MCTP1: variants seen among roughly 807,000 people sequenced by gnomAD.
MCTP1 encodes multiple C2 and transmembrane domain-containing protein 1.
In MCTP1, 69 loss-of-function variants were observed where a neutral mutation model predicts 120.6. That is an observed-to-expected ratio of 0.57 (90% CI 0.47 to 0.70). The LOEUF is 0.70. MCTP1 is among the 30% of genes least tolerant of loss of function. MCTP1 has a pLI of 0.00. For synonymous variants in MCTP1, 529 were observed against 493.1 expected (o/e 1.07, Z -0.96); for missense variants, 1,203 against 1,248.8 (o/e 0.96, Z 0.55).
chr5:94,724,412 AT>A (rs34497014), intron 19 of MCTP1, among the ~76,000 whole-genome samples: 7,840 of 138,396 alleles, frequency 0.057, 246 homozygotes, highest in African/African-American at 0.071. Flanking sequence ...CGTCTGGCTA[AT>A]TTTTTTTTTT....
chr5:94,849,114 G>A (rs931944044), intron 17 of MCTP1, among the ~76,000 whole-genome samples: 5 of 151,948 alleles, frequency 3.3e-5, no homozygotes, highest in African/African-American at 1.2e-4. Flanking sequence ...GGTAGCAAAC[G>A]AATATATGCA....
chr5:94,855,086 T>A (rs1471706896), intron 17 of MCTP1, among the ~76,000 whole-genome samples: 1 of 151,830 alleles, frequency 6.6e-6, no homozygotes, highest in Non-Finnish European at 1.5e-5. Context: ...ATACTAAGGA[T>A]GTAACCAAAA....
chr5:94,802,778 T>A (rs1781483495), intron 17 of MCTP1, among the ~76,000 whole-genome samples: 1 of 152,228 alleles, frequency 6.6e-6, no homozygotes, highest in South Asian at 2.1e-4. Flanking sequence ...CTCTAATGTA[T>A]TCACAGAATA....
intron 17 of MCTP1, among the ~76,000 whole-genome samples, chr5:94,804,885 T>G (rs1781976688): frequency 6.6e-6 from 1 of 152,110 alleles, no homozygotes; most frequent in African/African-American, 2.4e-5. Flanking sequence ...AATGGAGAAG[T>G]TTTTGGTGGG....
intron 17 of MCTP1, among the ~76,000 whole-genome samples, chr5:94,842,172 T>C (rs1791206087): frequency 6.6e-6 from 1 of 152,214 alleles, no homozygotes; most frequent in Non-Finnish European, 1.5e-5. Context: ...AAGGTTTTTG[T>C]GTAAATGTGA....
intron 4 of MCTP1, 139 bp downstream of exon 4, chr5:94,942,209 T>C (rs1817890093): frequency 1.7e-6 from 1 of 584,088 alleles, no homozygotes; most frequent in Non-Finnish European, 3.0e-6. Context: ...GTGAGGAAGA[T>C]GGATTTGAGA....
At chr5:95,225,488 A>T (rs1180465878) in intron 1 of MCTP1, among the ~76,000 whole-genome samples, 1 of 152,246 alleles carries the variant, frequency 6.6e-6, no homozygotes. Context: ...GCTAACAAAT[A>T]TGCATACCCT....
intron 2 of MCTP1, among the ~76,000 whole-genome samples, chr5:94,966,804 A>AG (rs1825725347): frequency 6.6e-6 from 1 of 151,940 alleles, no homozygotes; most frequent in Admixed American, 6.5e-5. Context: ...CGAAAAAAAA[A>AG]AAACAACAAA....
intron 2 of MCTP1, among the ~76,000 whole-genome samples, chr5:95,000,958 G>C (rs893441049): frequency 3.3e-5 from 5 of 152,166 alleles, no homozygotes; most frequent in Non-Finnish European, 5.9e-5. Context: ...ACTTTCAACT[G>C]TAATCCCATA....
intron 2 of MCTP1, among the ~76,000 whole-genome samples, chr5:94,969,346 C>T (rs1000289439): frequency 5.3e-5 from 8 of 152,076 alleles, no homozygotes; most frequent in African/African-American, 1.9e-4. Context: ...AGATGGCAGC[C>T]TATCTTCCCT....
intron 1 of MCTP1, among the ~76,000 whole-genome samples, chr5:95,119,436 T>A (rs1758045927): frequency 6.6e-6 from 1 of 151,972 alleles, no homozygotes; most frequent in African/African-American, 2.4e-5. Flanking sequence ...TAATAAAAAC[T>A]TTAAATAGGC....
chr5:95,116,248 A>C (rs1174753651), intron 1 of MCTP1, among the ~76,000 whole-genome samples: 1 of 152,214 alleles, frequency 6.6e-6, no homozygotes, highest in Non-Finnish European at 1.5e-5. Context: ...AAGTGCACCG[A>C]AAAACACAGA....
At chr5:95,004,196 A>C (rs1031449933) in intron 2 of MCTP1, among the ~76,000 whole-genome samples, 6 of 152,192 alleles carry the variant, frequency 3.9e-5, no homozygotes, top group Admixed American at 1.3e-4. Flanking sequence ...TGGCTGAAGA[A>C]ATTTTTAAGT....
intron 4 of MCTP1, among the ~76,000 whole-genome samples, chr5:94,940,400 C>T (rs1817297593): frequency 1.2e-5 from 1 of 86,314 alleles, no homozygotes; most frequent in Admixed American, 1.1e-4. Flanking sequence ...TGAATTTCTG[C>T]TTTCTAAACC....
intron 19 of MCTP1, among the ~76,000 whole-genome samples, chr5:94,770,841 G>A (rs138685711): frequency 1.4e-4 from 22 of 152,200 alleles, no homozygotes; most frequent in East Asian, 1.9e-4. Flanking sequence ...ATATGAATTC[G>A]ACAAGGATTT....
At chr5:94,944,781 T>G (rs1818536733) in intron 3 of MCTP1, among the ~76,000 whole-genome samples, 2 of 151,964 alleles carry the variant, frequency 1.3e-5, no homozygotes, top group African/African-American at 4.8e-5. Context: ...AATGAAATTA[T>G]TAGCTATGCT....
At chr5:94,954,715 TG>T in intron 2 of MCTP1, among the ~76,000 whole-genome samples, 1 of 152,206 alleles carries the variant, frequency 6.6e-6, no homozygotes, top group East Asian at 1.9e-4. Context: ...ATATATACGC[TG>T]CTAAAATTTT....
intron 2 of MCTP1, among the ~76,000 whole-genome samples, chr5:95,003,012 T>C (rs1834022535): frequency 6.6e-6 from 1 of 152,154 alleles, no homozygotes; most frequent in African/African-American, 2.4e-5. Flanking sequence ...TGATAGTGAG[T>C]TCTTATGACA....
Position 95,006,204 on chromosome 5 carries a change from C to T in MCTP1, c.838+11163G>A, listed in dbSNP as rs1055293656. 5.9e-5 allele frequency among the ~76,000 whole-genome samples: 9 copies of T among 152,004 alleles called. No homozygotes were observed. The East Asian group carries it at 7.7e-4, about 13-fold the overall frequency. ...AACAAAATGATGTTATTTGAGGACC[C>T]GCTATATATGTATTATTCAGAAGCT... On this transcript the variant is annotated intron_variant, in intron 2 of 22. Coordinates refer to ENST00000515393, the MANE Select transcript of MCTP1 (RefSeq NM_024717.7).
Sources: allele counts gnomAD v4.1 joint callset (sites outside exome capture counted in the v4.1 genomes callset), GRCh38; gene constraint gnomAD v4.1.1; transcripts MANE v1.5; gene names NCBI Gene and HGNC (gene_info 2026-07-23, HGNC 2026-07-21).